Variants in PAK5 observed in about 807,000 individuals in gnomAD.
PAK5 encodes the protein serine/threonine-protein kinase PAK 5.
A neutral mutation model predicts 65.9 loss-of-function variants in PAK5; 16 were observed. That is an observed-to-expected ratio of 0.24 (90% CI 0.16 to 0.37). The LOEUF (loss-of-function observed/expected upper bound fraction) is 0.37. Among genes scored for constraint, PAK5 ranks in the 10% least tolerant of loss-of-function variants. The probability of loss-of-function intolerance (pLI) is 1.00; values close to 1 mark genes in which losing one functional copy is unlikely to be tolerated. For missense variants in PAK5, 785 were observed against 903.9 expected, an observed-to-expected ratio of 0.87 and a Z score of 1.69; for synonymous variants, 371 against 354.9, an observed-to-expected ratio of 1.05 and a Z score of -0.51.
At chr20:9,692,252 C>T (rs1309696480) in intron 2 of PAK5, among the ~76,000 whole-genome samples, 1 of 152,172 alleles carries the variant, frequency 6.6e-6, no homozygotes, top group African/African-American at 2.4e-5. Context: ...AATATTAAAG[C>T]CACATTCTTT....
At chr20:9,765,985 AG>A (rs1205156087) in intron 1 of PAK5, among the ~76,000 whole-genome samples, 1 of 152,032 alleles carries the variant, frequency 6.6e-6, no homozygotes, top group Non-Finnish European at 1.5e-5. Context: ...GCACTTTGGG[AG>A]GCCCAGGCAG....
At position 9,644,097 on chromosome 20, in the gene PAK5, C is replaced by T. The variant is rs760424370; in HGVS notation, c.204+28G>A. 261 of 1,568,432 alleles carry T rather than the reference C, an allele frequency of 1.7e-4. No homozygotes were observed. In the African/African-American group the frequency reaches 3.3e-3, roughly 20 times the overall value. On this transcript the variant is annotated intron_variant, in intron 3 of 9. Transcript: ENST00000353224. ...TTAAATAAGAGCATGATTCTTAAGC[C>T]CAGCCAAAGATGGAGCCCTCACCAT...
chr20:9,685,920 A>T (rs906595225), intron 2 of PAK5, among the ~76,000 whole-genome samples: 2 of 152,214 alleles, frequency 1.3e-5, no homozygotes, highest in Non-Finnish European at 2.9e-5. Flanking sequence ...TGATAAAAAA[A>T]TTATCATGTT....
chr20:9,684,300 T>A (rs548861951), intron 2 of PAK5, among the ~76,000 whole-genome samples: 138 of 152,336 alleles, frequency 9.1e-4, no homozygotes, highest in Non-Finnish European at 1.4e-3. Flanking sequence ...CTAAGGATTA[T>A]GGTTCCAGGA....
chr20:9,585,089 G>C (rs890619137), intron 3 of PAK5, among the ~76,000 whole-genome samples: 1 of 152,148 alleles, frequency 6.6e-6, no homozygotes, highest in African/African-American at 2.4e-5. Context: ...AACTATATTA[G>C]ATTTTTTTCA....
intron 1 of PAK5, among the ~76,000 whole-genome samples, chr20:9,747,838 C>T (rs1276742207): frequency 6.7e-6 from 1 of 149,042 alleles, no homozygotes; most frequent in African/African-American, 2.5e-5. Context: ...CTGGCCAGGG[C>T]AATTAGGCAG....
At chr20:9,540,837 C>T (rs1437752961) in intron 9 of PAK5, among the ~76,000 whole-genome samples, 1 of 151,416 alleles carries the variant, frequency 6.6e-6, no homozygotes, top group African/African-American at 2.4e-5. Context: ...CCCAGGTTCA[C>T]GCCATTCTCC....
intron 2 of PAK5, among the ~76,000 whole-genome samples, chr20:9,688,806 G>A (rs116271047): frequency 0.025 from 3,777 of 152,114 alleles, 100 homozygotes; most frequent in African/African-American, 0.065. Flanking sequence ...AACAATTTAG[G>A]ACGGTGACTG....
intron 3 of PAK5, among the ~76,000 whole-genome samples, chr20:9,602,369 G>A (rs2046377467): frequency 6.6e-6 from 1 of 152,070 alleles, no homozygotes; most frequent in Non-Finnish European, 1.5e-5. Flanking sequence ...TCTGAATGCA[G>A]ACCCCTTGCT....
intron 2 of PAK5, among the ~76,000 whole-genome samples, chr20:9,709,898 C>A (rs1384317803): frequency 2.0e-5 from 3 of 152,156 alleles, no homozygotes; most frequent in Non-Finnish European, 2.9e-5. Context: ...TCTTCCCTAC[C>A]CTATGGACAT....
intron 2 of PAK5, among the ~76,000 whole-genome samples, chr20:9,649,427 A>G (rs1259533851): frequency 2.0e-5 from 3 of 152,220 alleles, no homozygotes; most frequent in Non-Finnish European, 4.4e-5. Context: ...CTTCTATGAA[A>G]TATAAGTCTT....
rs147760246 is a variant in PAK5 at position 9,580,425 on chromosome 20, G to T, written c.710C>A (p.Ser237Tyr). The change falls in exon 4 of 10, where the codon TCT (serine) becomes TAT (tyrosine). Residue 237 changes from serine to tyrosine, a missense_variant. This residue lies in a region of PAK5 where 422 missense variants were observed against 413.3 expected (regional missense o/e 1.02). Transcript: ENST00000353224. ...PLDYSFQFTP[S>Y]RTAGTSGCSK... is the part of the protein sequence containing the mutation. ...GCACCCGCTGGTCCCTGCAGTTCTA[G>T]AAGGTGTGAATTGGAATGAATAATC... The T allele has an allele frequency of 1.2e-6, 2 of 1,613,982 alleles. No individual in the cohort carries two copies. The highest frequency in any genetic ancestry group is 1.7e-6 in the Non-Finnish European group (2 of 1,180,030).
rs1166317371 is a variant in PAK5 at position 9,786,254 on chromosome 20, T to G, written c.-162+52508A>C. On this transcript the variant is annotated intron_variant, in intron 1 of 9. Coordinates refer to ENST00000353224, the MANE Select transcript of PAK5 (RefSeq NM_177990.4). Reference sequence around the variant, plus strand: ...GAAGGGAGGCTGGGAAGTTGAGTATTTGAGCTTTCAAGGAAGAAGTAGGCT... The same window carrying G: ...GAAGGGAGGCTGGGAAGTTGAGTATGTGAGCTTTCAAGGAAGAAGTAGGCT... Among the ~76,000 whole-genome samples the G allele has an allele frequency of 2.6e-5, 4 of 152,044 alleles. No individual in the cohort carries two copies. In the East Asian group the frequency reaches 7.7e-4, roughly 29 times the overall value.
At chr20:9,819,835 G>A (rs1247979692) in intron 1 of PAK5, among the ~76,000 whole-genome samples, 1 of 152,136 alleles carries the variant, frequency 6.6e-6, no homozygotes, top group East Asian at 1.9e-4. Flanking sequence ...TCAATCCTGA[G>A]ACTTTTGTTA....
intron 5 of PAK5, among the ~76,000 whole-genome samples, chr20:9,565,077 C>T (rs1462541640): frequency 6.6e-6 from 1 of 151,252 alleles, no homozygotes; most frequent in African/African-American, 2.4e-5. Flanking sequence ...GATTATAAGG[C>T]CATTAAAATG....
At chr20:9,776,508 G>T (rs1022297823) in intron 1 of PAK5, among the ~76,000 whole-genome samples, 1 of 152,126 alleles carries the variant, frequency 6.6e-6, no homozygotes, top group African/African-American at 2.4e-5. Context: ...CTCCTCCTAG[G>T]TGTGAACTGG....
chr20:9,589,468 C>A (rs989688599), intron 3 of PAK5, among the ~76,000 whole-genome samples: 1 of 152,162 alleles, frequency 6.6e-6, no homozygotes, highest in East Asian at 1.9e-4. Flanking sequence ...CAGTTCTCTA[C>A]ATATACCTTT....
chr20:9,609,395 C>G (rs767275969), intron 3 of PAK5, among the ~76,000 whole-genome samples: 13 of 152,200 alleles, frequency 8.5e-5, no homozygotes, highest in Non-Finnish European at 1.5e-4. Flanking sequence ...AGTTTAACCT[C>G]GCATAGGTGC....
chr20:9,551,820 C>T (rs551154391), intron 7 of PAK5, among the ~76,000 whole-genome samples: 63 of 152,216 alleles, frequency 4.1e-4, no homozygotes, highest in African/African-American at 1.5e-3. Flanking sequence ...GGGTTGGGGC[C>T]CAGGAATCTG....
Sources: gnomAD v4.1 joint callset for allele counts (sites outside exome capture counted in the v4.1 genomes callset) on GRCh38, gnomAD v4.1.1 for gene constraint, gnomAD v4.1.1 regional missense constraint, MANE v1.5 for transcripts, NCBI Gene and HGNC (gene_info 2026-07-23, HGNC 2026-07-21) for gene names.